Variants in RPH3A observed in about 807,000 individuals in gnomAD.
RPH3A encodes the protein rabphilin 3A, also known as rabphilin-3A.
In RPH3A, 48 loss-of-function variants were observed where a neutral mutation model predicts 102.2. The observed-to-expected ratio is 0.47, with a 90% CI of 0.37 to 0.60. The LOEUF is 0.60. Among genes scored for constraint, RPH3A ranks in the 20% least tolerant of loss-of-function variants. The probability of loss-of-function intolerance (pLI) is 0.00; values close to 1 mark genes in which losing one functional copy is unlikely to be tolerated. For missense variants in RPH3A, 781 were observed against 910.1 expected (o/e 0.86, Z 1.83); for synonymous variants, 310 against 324.3 (o/e 0.96, Z 0.47).
At chr12:112,613,477 A>C (rs1307126087) in intron 1 of RPH3A, among the ~76,000 whole-genome samples, 1 of 152,136 alleles carries the variant, frequency 6.6e-6, no homozygotes, top group African/African-American at 2.4e-5. Flanking sequence ...TCTGGAGCCC[A>C]TGGATATGTT....
chr12:112,818,388 G>T (rs1241348353), intron 2 of RPH3A, among the ~76,000 whole-genome samples: 1 of 150,320 alleles, frequency 6.7e-6, no homozygotes, highest in Non-Finnish European at 1.5e-5. Flanking sequence ...ATGATAGATT[G>T]ATAGATTCAG....
chr12:112,709,673 T>A, intron 1 of RPH3A, among the ~76,000 whole-genome samples: 1 of 152,186 alleles, frequency 6.6e-6, no homozygotes, highest in East Asian at 1.9e-4. Context: ...ACCAGTGATT[T>A]GAATGTGGGG....
At chr12:112,850,554 A>C (rs2042305823) in intron 5 of RPH3A, among the ~76,000 whole-genome samples, 1 of 152,228 alleles carries the variant, frequency 6.6e-6, no homozygotes. Context: ...TGGGGAGGAC[A>C]GTCCCGGAAG....
chr12:112,617,116 C>T (rs1289234060), intron 1 of RPH3A, among the ~76,000 whole-genome samples: 2 of 152,214 alleles, frequency 1.3e-5, no homozygotes, highest in South Asian at 4.1e-4. Context: ...CTCTTTCTCT[C>T]TCCCTGTTTG....
chr12:112,679,669 T>G (rs12304973), intron 1 of RPH3A, among the ~76,000 whole-genome samples: 4,110 of 152,278 alleles, frequency 0.027, 209 homozygotes, highest in African/African-American at 0.094. Flanking sequence ...CAAGTGATCC[T>G]CCCGTCCTGG....
intron 1 of RPH3A, among the ~76,000 whole-genome samples, chr12:112,584,861 T>C (rs972169464): frequency 6.6e-6 from 1 of 152,100 alleles, no homozygotes; most frequent in Non-Finnish European, 1.5e-5. Context: ...GATAGATGTA[T>C]ATATAAAGGG....
At chr12:112,713,967 C>A (rs1295638227) in intron 1 of RPH3A, among the ~76,000 whole-genome samples, 3 of 152,190 alleles carry the variant, frequency 2.0e-5, no homozygotes, top group South Asian at 4.1e-4. Flanking sequence ...GTTGCCTAAT[C>A]TCACGGTGTG....
intron 3 of RPH3A, among the ~76,000 whole-genome samples, chr12:112,834,960 G>C (rs1320921313): frequency 6.6e-6 from 1 of 152,064 alleles, no homozygotes; most frequent in Non-Finnish European, 1.5e-5. Flanking sequence ...TGGTTTATTT[G>C]TTTAGAAAGG....
rs1042322061 is a variant in RPH3A, at chr12:112,778,328, G to A, written c.-139-13815G>A. Among the ~76,000 whole-genome samples, 5 of 152,260 alleles carry A rather than the reference G, an allele frequency of 3.3e-5. No homozygotes were observed. The South Asian group carries it at 1.0e-3, about 32-fold the overall frequency. ...GGCTCCCACTGATGCTTCTTTAGTT[G>A]TTTCTTTTTTCTCTTTAATCCTTCT... On this transcript the variant is annotated intron_variant, in intron 1 of 21. Transcript: ENST00000543106.
At chr12:112,820,610 C>T (rs1046044824) in intron 2 of RPH3A, among the ~76,000 whole-genome samples, 7 of 152,186 alleles carry the variant, frequency 4.6e-5, no homozygotes, top group Non-Finnish European at 7.3e-5. Flanking sequence ...GACCCAGGTA[C>T]AACCTAAGCA....
At chr12:112,804,656 T>C (rs1002351068) in intron 2 of RPH3A, among the ~76,000 whole-genome samples, 2 of 152,206 alleles carry the variant, frequency 1.3e-5, no homozygotes, top group Non-Finnish European at 2.9e-5. Flanking sequence ...ACTTCGCCCC[T>C]TCCTAGCTGT....
At chr12:112,755,615 G>T (rs1269326684) in intron 1 of RPH3A, among the ~76,000 whole-genome samples, 1 of 152,154 alleles carries the variant, frequency 6.6e-6, no homozygotes, top group Non-Finnish European at 1.5e-5. Context: ...AGAAGAGCAT[G>T]CCCTGGTTAA....
upstream of RPH3A, among the ~76,000 whole-genome samples, chr12:112,788,428 TG>T (rs1346054052): frequency 5.3e-5 from 8 of 152,330 alleles, no homozygotes; most frequent in South Asian, 1.0e-3. Flanking sequence ...TAGGAAAAAC[TG>T]ACAGGGTCAT....
chr12:112,648,070 T>C (rs2039944577), intron 1 of RPH3A, among the ~76,000 whole-genome samples: 1 of 152,226 alleles, frequency 6.6e-6, no homozygotes, highest in African/African-American at 2.4e-5. Context: ...CTATAATCAT[T>C]GCAGATCATT....
intron 1 of RPH3A, among the ~76,000 whole-genome samples, chr12:112,779,365 G>A (rs2040990688): frequency 6.6e-6 from 1 of 152,158 alleles, no homozygotes; most frequent in Non-Finnish European, 1.5e-5. Context: ...TTCCATTATT[G>A]GCTGGGAGCT....
chr12:112,820,416 G>A (rs1382196613), intron 2 of RPH3A, among the ~76,000 whole-genome samples: 1 of 152,198 alleles, frequency 6.6e-6, no homozygotes, highest in Non-Finnish European at 1.5e-5. Flanking sequence ...GATTAAACAT[G>A]CAACATTGCA....
At chr12:112,621,916 C>A (rs1190313879) in intron 1 of RPH3A, among the ~76,000 whole-genome samples, 4 of 150,794 alleles carry the variant, frequency 2.7e-5, no homozygotes, top group Non-Finnish European at 4.4e-5. Context: ...CCCTGAGCAG[C>A]CTAACTGGGA....
chr12:112,676,044 G>T (rs531521408), intron 1 of RPH3A, among the ~76,000 whole-genome samples: 8 of 152,170 alleles, frequency 5.3e-5, no homozygotes, highest in Non-Finnish European at 8.8e-5. Flanking sequence ...AGGAGCTGGA[G>T]CCACAGAGGA....
rs112014897 is a variant in RPH3A, at chr12:112,709,574, C to T, written c.-139-82569C>T. ...CAAAAAAAAAAAAAAAAATTACTCTCGTGTCAGGTGCTGTGCATGCTATGC... is the reference window on the plus strand; with the variant it reads ...CAAAAAAAAAAAAAAAAATTACTCTTGTGTCAGGTGCTGTGCATGCTATGC... On this transcript the variant is annotated intron_variant, in intron 1 of 21. Transcript: ENST00000543106. Among the ~76,000 whole-genome samples, 9 of 151,468 alleles carry T rather than the reference C, an allele frequency of 5.9e-5. 2 individuals are homozygous for T. Among genetic ancestry groups the T allele is most frequent in the African/African-American group, 2.2e-4 (9 of 41,308 alleles).
Sources: gnomAD v4.1 joint callset for allele counts (sites outside exome capture counted in the v4.1 genomes callset) on GRCh38, gnomAD v4.1.1 for gene constraint, MANE v1.5 for transcripts, NCBI Gene and HGNC (gene_info 2026-07-23, HGNC 2026-07-21) for gene names.